CMIP: variants seen among roughly 807,000 people sequenced by gnomAD.
CMIP encodes the protein C-Maf-inducing protein.
Under a neutral mutation model 97.3 loss-of-function variants are expected in CMIP, and 13 were observed. That is an observed-to-expected ratio of 0.13 (90% CI 0.09 to 0.21). The LOEUF (loss-of-function observed/expected upper bound fraction) is 0.21. CMIP is among the 10% of genes least tolerant of loss of function. The pLI, the probability that CMIP is intolerant of heterozygous loss-of-function variation, is 1.00. For missense variants in CMIP, 847 were observed against 1,024.9 expected, an observed-to-expected ratio of 0.83 and a Z score of 2.37; for synonymous variants, 538 against 436.3, an observed-to-expected ratio of 1.23 and a Z score of -2.91.
At chr16:81,644,596 A>C (rs1038268336) in intron 3 of CMIP, among the ~76,000 whole-genome samples, 4 of 152,208 alleles carry the variant, frequency 2.6e-5, no homozygotes, top group African/African-American at 7.2e-5. Context: ...GGACTCAAGA[A>C]GGCCAAAAAT....
chr16:81,603,134 C>T (rs1241373539), intron 1 of CMIP, among the ~76,000 whole-genome samples: 1 of 152,210 alleles, frequency 6.6e-6, no homozygotes, highest in Non-Finnish European at 1.5e-5. Flanking sequence ...GGCTACAGTG[C>T]AGTGGCGCGA....
chr16:81,523,294 C>G (rs1317827117), intron 1 of CMIP, among the ~76,000 whole-genome samples: 2 of 152,186 alleles, frequency 1.3e-5, no homozygotes, highest in African/African-American at 4.8e-5. Context: ...TGTTGGAGAT[C>G]TCTCCGTTGA....
chr16:81,610,660 T>G, intron 2 of CMIP: 1 of 379,338 alleles, frequency 2.6e-6, no homozygotes, highest in Non-Finnish European at 3.6e-6. Context: ...CCCCACACTC[T>G]GCCCACCGTG....
chr16:81,511,306 T>C (rs1182289411), intron 1 of CMIP, among the ~76,000 whole-genome samples: 1 of 152,258 alleles, frequency 6.6e-6, no homozygotes, highest in African/African-American at 2.4e-5. Flanking sequence ...CAATAATTCC[T>C]TGATATCAAA....
intron 20 of CMIP, 63 bp from the exon 21 acceptor site, chr16:81,709,683 G>T (rs1473040505): frequency 6.3e-7 from 1 of 1,579,620 alleles, no homozygotes; most frequent in African/African-American, 1.3e-5. Flanking sequence ...GTGGAGCCAG[G>T]CACTGGCAGC....
intron 3 of CMIP, among the ~76,000 whole-genome samples, chr16:81,628,997 G>A (rs936910652): frequency 5.3e-5 from 8 of 151,768 alleles, no homozygotes; most frequent in Admixed American, 1.3e-4. Context: ...TTAGCTGGGC[G>A]TGGTGGCTCA....
At chr16:81,466,523 C>T (rs1479929346) in intron 1 of CMIP, among the ~76,000 whole-genome samples, 2 of 152,150 alleles carry the variant, frequency 1.3e-5, no homozygotes, top group Admixed American at 6.5e-5. Flanking sequence ...GTCTGTGTAA[C>T]GAAAGATGGG....
chr16:81,705,527 C>T lies in CMIP; in HGVS notation c.2120C>T (p.Ser707Leu). 1 of 1,608,162 alleles carries T rather than the reference C, an allele frequency of 6.2e-7. No homozygotes were observed. The highest frequency in any genetic ancestry group is 8.5e-7 in the Non-Finnish European group (1 of 1,177,892). ...QFGDAGLRLL[S>L]EHLTMLQVLN... Reference sequence around the variant, plus strand: ...GGAGACGCTGGCCTTCGGCTCCTGTCGGAACACCTCACCATGCTCCAGGTG... The same window carrying T: ...GGAGACGCTGGCCTTCGGCTCCTGTTGGAACACCTCACCATGCTCCAGGTG... The change falls in exon 19 of 21, where the codon TCG becomes TTG. Residue 707 changes from serine to leucine, a missense_variant. By Grantham distance (145) the Ser-to-Leu change is moderately radical. Around this residue, in one of 4 missense-constraint regions of CMIP, gnomAD observed 266 missense variants for 384.2 expected, o/e 0.69. Coordinates refer to ENST00000537098, the MANE Select transcript of CMIP (RefSeq NM_198390.3).
intron 1 of CMIP, among the ~76,000 whole-genome samples, chr16:81,601,921 A>G (rs755375117): frequency 1.7e-4 from 26 of 152,242 alleles, no homozygotes; most frequent in Non-Finnish European, 3.1e-4. Flanking sequence ...AGCCTTGGCC[A>G]GGGCTCTCCG....
At position 81,709,784 on chromosome 16, in the gene CMIP, C is replaced by T; in HGVS notation, c.2307C>T (p.Tyr769=). 2 of 1,613,978 alleles carry T rather than the reference C, an allele frequency of 1.2e-6. No individual in the cohort carries two copies. The highest frequency in any genetic ancestry group is 1.7e-5 in the Admixed American group (1 of 60,022). Residue 769 remains tyrosine, a synonymous_variant, in exon 21 of 21, where the codon TAC becomes TAT. Transcript: ENST00000537098. ...ATTTGAAGGAAGTGGACGTCCGCTA[C>T]ACCGAAGCCTGGTGAAGCTCCCAGC... ...LPNLKEVDVR[Y]TEAW is the part of the protein sequence containing the mutation.
intron 1 of CMIP, among the ~76,000 whole-genome samples, chr16:81,535,408 A>T (rs1286137526): frequency 6.6e-6 from 1 of 151,202 alleles, no homozygotes; most frequent in Non-Finnish European, 1.5e-5. Flanking sequence ...GCTGTGTCTC[A>T]TGATGCTTCC....
chr16:81,499,740 C>T lies in CMIP; in HGVS notation c.300+54199C>T, dbSNP rs2927309. On this transcript the variant is annotated intron_variant, in intron 1 of 20. Coordinates refer to ENST00000537098, the MANE Select transcript of CMIP (RefSeq NM_198390.3). Reference sequence around the variant, plus strand: ...GGAGACTCAGCTTCCCCGTCCAGTCCTTTACCCCTCCTTTACCCAGCAGCG... The same window carrying T: ...GGAGACTCAGCTTCCCCGTCCAGTCTTTTACCCCTCCTTTACCCAGCAGCG... Among the ~76,000 whole-genome samples the T allele has an allele frequency of 8.3e-3, 1,257 of 152,340 alleles. 22 individuals carry two copies. The highest frequency in any genetic ancestry group is 0.029 in the African/African-American group (1,201 of 41,584).
At chr16:81,686,383 C>G (rs1231269658) in intron 10 of CMIP, among the ~76,000 whole-genome samples, 2 of 152,184 alleles carry the variant, frequency 1.3e-5, no homozygotes, top group Non-Finnish European at 2.9e-5. Flanking sequence ...TCTGAGAACC[C>G]CAGGCTGCAC....
chr16:81,634,968 T>G (rs986221790), intron 3 of CMIP, among the ~76,000 whole-genome samples: 1 of 152,186 alleles, frequency 6.6e-6, no homozygotes, highest in Non-Finnish European at 1.5e-5. Flanking sequence ...TAGAGAGAGT[T>G]CCCTTTATCA....
chr16:81,520,589 A>G (rs2090003503), intron 1 of CMIP: 1 of 151,246 alleles, frequency 6.6e-6, no homozygotes, highest in Admixed American at 6.6e-5. Context: ...AGAGAGAGAG[A>G]GAGAGAGAGA....
At chr16:81,495,598 C>T in intron 1 of CMIP, 2 of 1,222,446 alleles carry the variant, frequency 1.6e-6, no homozygotes, top group African/African-American at 1.5e-5. Flanking sequence ...AGACCCACTT[C>T]TCAGAGGGTG....
rs112619797 is a variant in CMIP at position 81,587,569 on chromosome 16, T to C, written c.301-19998T>C. Among the ~76,000 whole-genome samples, 115 of 152,212 alleles carry C rather than the reference T, an allele frequency of 7.6e-4. 2 individuals are homozygous for C. Among genetic ancestry groups the C allele is most frequent in the African/African-American group, 2.7e-3 (112 of 41,502 alleles). The stretch of plus-strand genomic sequence containing the variant: ...AGGTGGGTGTTCTTCTCATTCCCAT[T>C]TTACCAATGAAAAAACCAAAGGTGC... On this transcript the variant is annotated intron_variant, in intron 1 of 20. Transcript: ENST00000537098.
intron 1 of CMIP, among the ~76,000 whole-genome samples, chr16:81,523,811 C>T (rs574778862): frequency 2.0e-5 from 3 of 152,354 alleles, no homozygotes; most frequent in East Asian, 3.9e-4. Context: ...CCCTGAACCT[C>T]GCTCAGACAC....
At chr16:81,702,493 A>G in intron 16 of CMIP, 129 bp from the exon 17 acceptor site, 1 of 952,486 alleles carries the variant, frequency 1.0e-6, no homozygotes. Flanking sequence ...CCTGAGACCA[A>G]GACCACCGTG....
Sources: gnomAD v4.1 joint callset for allele counts (sites outside exome capture counted in the v4.1 genomes callset) on GRCh38, gnomAD v4.1.1 for gene constraint, gnomAD v4.1.1 regional missense constraint, MANE v1.5 for transcripts, NCBI Gene and HGNC (gene_info 2026-07-23, HGNC 2026-07-21) for gene names.